FANCA: variants seen among roughly 807,000 people sequenced by gnomAD.
The protein encoded by FANCA is Fanconi anemia group A protein.
FANCA carries 236 observed loss-of-function variants against 194.3 expected under a neutral mutation model. The observed-to-expected ratio is 1.21, with a 90% CI of 1.09 to 1.35. The LOEUF (loss-of-function observed/expected upper bound fraction) is 1.35. Among genes scored for constraint, FANCA ranks in the 40% most tolerant of loss-of-function variants. The probability of loss-of-function intolerance (pLI) is 0.00; values close to 1 mark genes in which losing one functional copy is unlikely to be tolerated. For missense variants in FANCA, 2,628 were observed against 1,813.9 expected (o/e 1.45, Z -8.15); for synonymous variants, 1,014 against 715.8 (o/e 1.42, Z -6.65).
chr16:89,805,992 A>G (rs920379362), intron 6 of FANCA, among the ~76,000 whole-genome samples: 1 of 151,792 alleles, frequency 6.6e-6, no homozygotes, highest in Non-Finnish European at 1.5e-5. Flanking sequence ...AGCTCACTAC[A>G]ACCTCCGCCT....
chr16:89,742,979 C>A, intron 36 of FANCA, 41 bp from the exon 37 acceptor site: 2 of 1,599,244 alleles, frequency 1.3e-6, no homozygotes, highest in South Asian at 2.2e-5. Context: ...GCCTTACAAC[C>A]ATACAACCAC....
intron 13 of FANCA, 68 bp downstream of exon 13, chr16:89,791,859 T>C: frequency 8.8e-6 from 14 of 1,590,938 alleles, no homozygotes; most frequent in Non-Finnish European, 9.5e-6. Context: ...CACAGTCAGC[T>C]GGGACTCTGC....
At position 89,778,986 on chromosome 16, in the gene FANCA, T is replaced by C. The variant is rs2143424595; in HGVS notation, c.1733A>G (p.Tyr578Cys). Reference protein sequence around the residue: ...VMEASIFRRPYYVSHFLPALL... With the variant: ...VMEASIFRRPCYVSHFLPALL... ...GGCGGGGAGGAAGTGGGACACGTAGTAAGGCCTCCTGAATATGCTGCAACA... is the reference window on the plus strand; with the variant it reads ...GGCGGGGAGGAAGTGGGACACGTAGCAAGGCCTCCTGAATATGCTGCAACA... Residue 578 changes from tyrosine to cysteine, a missense_variant, in exon 19 of 43, where the codon TAC (tyrosine) becomes TGC (cysteine). Tyr to Cys is a radical substitution (Grantham distance 194). Coordinates refer to ENST00000389301, the MANE Select transcript of FANCA (RefSeq NM_000135.4). 1.2e-6 allele frequency: 2 copies of C among 1,613,754 alleles called. No individual in the cohort carries two copies. Among genetic ancestry groups the C allele is most frequent in the Non-Finnish European group, 1.7e-6 (2 of 1,180,016 alleles).
chr16:89,738,951 TG>T lies in FANCA; in HGVS notation c.4190del (p.Thr1397LysfsTer10). ...KGQGNPVELI[T>X]KARLFLLQLI... ...ACTGCAGCAGAAAAAGACGAGCTTTTGTTATCAGTTCCACGGGGTTGCCCTA... is the reference window on the plus strand; with the variant it reads ...ACTGCAGCAGAAAAAGACGAGCTTTTTTATCAGTTCCACGGGGTTGCCCTA... On this transcript the variant is annotated frameshift_variant, in exon 42 of 43. Transcript: ENST00000389301. LOFTEE classifies it high-confidence loss of function. 1 of 1,614,268 alleles carries T rather than the reference TG, an allele frequency of 6.2e-7. No individual in the cohort carries two copies. The highest frequency in any genetic ancestry group is 8.5e-7 in the Non-Finnish European group (1 of 1,180,050).
At position 89,816,445 on chromosome 16, in the gene FANCA, G is replaced by T. The variant is rs965003431; in HGVS notation, c.79+92C>A. ...GGGCGCGGCGTCCGGGGATCCGACCGGCGGAGGCTCTGGCGGGAAGGGATC... is the reference window on the plus strand; with the variant it reads ...GGGCGCGGCGTCCGGGGATCCGACCTGCGGAGGCTCTGGCGGGAAGGGATC... On this transcript the variant is annotated intron_variant, in intron 1 of 42. Transcript: ENST00000389301. The T allele has an allele frequency of 6.8e-6, 8 of 1,180,940 alleles. No homozygotes were observed. The African/African-American group carries it at 9.7e-5, about 14-fold the overall frequency. The allele number at this position is 1,180,940 out of a possible 1,614,324, so 73.2% of individuals were successfully genotyped here.
intron 17 of FANCA, among the ~76,000 whole-genome samples, chr16:89,781,887 C>T (rs2039721276): frequency 8.8e-6 from 1 of 113,714 alleles, no homozygotes; most frequent in Non-Finnish European, 1.7e-5. Flanking sequence ...TGTAGGCCCA[C>T]TATAGGCTAC....
Position 89,737,747 on chromosome 16 carries a change from C to G in FANCA, c.*854G>C. On this transcript the variant is annotated 3_prime_UTR_variant, in exon 43 of 43. Coordinates refer to ENST00000389301, the MANE Select transcript of FANCA (RefSeq NM_000135.4). The stretch of plus-strand genomic sequence containing the variant: ...TGTGATGGTTTCACATTGTCATCGT[C>G]GTCCCCCCGGGAGGTTGGAGCATCA... 1.9e-6 allele frequency: 3 copies of G among 1,606,802 alleles called. No homozygotes were observed. Among genetic ancestry groups the G allele is most frequent in the Non-Finnish European group, 2.6e-6 (3 of 1,174,428 alleles).
chr16:89,798,431 A>G lies in FANCA; in HGVS notation c.893+735T>C, dbSNP rs572442514. On this transcript the variant is annotated intron_variant, in intron 10 of 42. Transcript: ENST00000389301. ...GTACAACACATTTAATTGAGCAGTTAAACAGTTACTGTGAGGGATGGGAAA... is the reference window on the plus strand; with the variant it reads ...GTACAACACATTTAATTGAGCAGTTGAACAGTTACTGTGAGGGATGGGAAA... The G allele has an allele frequency of 6.6e-5, 72 of 1,086,230 alleles. No individual in the cohort carries two copies. In the South Asian group the frequency reaches 2.5e-3, roughly 37 times the overall value. The allele number at this position is 1,086,230 out of a possible 1,614,324, so 67.3% of individuals were successfully genotyped here.
Position 89,746,627 on chromosome 16 carries a change from G to C in FANCA, c.3470C>G (p.Ala1157Gly). 2 of 1,614,164 alleles carry C rather than the reference G, an allele frequency of 1.2e-6. No homozygotes were observed. Among genetic ancestry groups the C allele is most frequent in the Non-Finnish European group, 8.5e-7 (1 of 1,180,034 alleles). ...TAAGGGGCATTTCGTCTGGCACTTG[G>C]CCAGTATGAAGTCGACCATCAGGGA... ...DPSLMVDFILAKCQTKCPLIL... is the reference protein window; with the variant it reads ...DPSLMVDFILGKCQTKCPLIL... The change falls in exon 35 of 43, where the codon GCC becomes GGC. Residue 1157 changes from alanine (A) to glycine (G), a missense_variant. Coordinates refer to ENST00000389301, the MANE Select transcript of FANCA (RefSeq NM_000135.4).
Position 89,767,209 on chromosome 16 carries a change from G to T in FANCA, c.2533C>A (p.Leu845Ile). The change falls in exon 27 of 43, where the codon CTC (leucine) becomes ATC (isoleucine). Residue 845 changes from leucine to isoleucine, a missense_variant. Coordinates refer to ENST00000389301, the MANE Select transcript of FANCA (RefSeq NM_000135.4). Reference sequence around the variant, plus strand: ...CGTGACTGGGAAGAAAACTTGCAGAGAGAGTAAGAAATTGCTGCTGTACAA... The same window carrying T: ...CGTGACTGGGAAGAAAACTTGCAGATAGAGTAAGAAATTGCTGCTGTACAA... ...KFCTAAISYS[L>I]CKFSSQSRDT... 1 of 1,613,484 alleles carries T rather than the reference G, an allele frequency of 6.2e-7. No homozygotes were observed. The highest frequency in any genetic ancestry group is 8.5e-7 in the Non-Finnish European group (1 of 1,179,446).
chr16:89,749,102 A>C (rs555134138), intron 32 of FANCA, among the ~76,000 whole-genome samples: 34 of 152,350 alleles, frequency 2.2e-4, no homozygotes, highest in African/African-American at 7.9e-4. Context: ...TGTAAAATTA[A>C]ATGACTCCAC....
chr16:89,784,748 G>A, intron 15 of FANCA, 106 bp downstream of exon 15: 2 of 858,372 alleles, frequency 2.3e-6, no homozygotes, highest in Middle Eastern at 2.3e-4. Flanking sequence ...TGGCTGAGAG[G>A]CTCAGAGCAG....
intron 10 of FANCA, 137 bp downstream of exon 10, chr16:89,799,029 C>G: frequency 6.2e-7 from 1 of 1,614,250 alleles, no homozygotes; most frequent in Middle Eastern, 1.7e-4. Flanking sequence ...TCCTCACGCA[C>G]GTTATCGTAA....
intron 20 of FANCA, among the ~76,000 whole-genome samples, chr16:89,776,081 G>C (rs1055841676): frequency 6.7e-6 from 1 of 150,046 alleles, no homozygotes; most frequent in African/African-American, 2.4e-5. Flanking sequence ...TCCCTGGGCA[G>C]TGAAATTATA....
At chr16:89,773,737 C>T (rs537441259) in intron 21 of FANCA, among the ~76,000 whole-genome samples, 1 of 151,014 alleles carries the variant, frequency 6.6e-6, no homozygotes, top group Non-Finnish European at 1.5e-5. Flanking sequence ...GACAGGATCA[C>T]GGATAGGTGA....
intron 30 of FANCA, among the ~76,000 whole-genome samples, chr16:89,756,563 T>C (rs2143206431): frequency 6.6e-6 from 1 of 152,298 alleles, no homozygotes; most frequent in Admixed American, 6.5e-5. Context: ...AGGTCGAGGC[T>C]GCAGTGGGCT....
At chr16:89,806,819 T>C (rs9940552) in intron 6 of FANCA, among the ~76,000 whole-genome samples, 80,469 of 152,086 alleles carry the variant, frequency 0.53, 23,512 homozygotes, top group East Asian at 0.98. Context: ...TTGTATTCCA[T>C]AAAACCGCCA....
chr16:89,738,206 T>G lies in FANCA; in HGVS notation c.*395A>C. ...CCACCTGGGCCACCGAGCCCCTCTG[T>G]GACCACAGAGGGCCAGGCGGTGAAG... On this transcript the variant is annotated 3_prime_UTR_variant, in exon 43 of 43. Coordinates refer to ENST00000389301, the MANE Select transcript of FANCA (RefSeq NM_000135.4). 2 of 1,611,222 alleles carry G rather than the reference T, an allele frequency of 1.2e-6. No individual in the cohort carries two copies. Among genetic ancestry groups the G allele is most frequent in the Non-Finnish European group, 1.7e-6 (2 of 1,179,138 alleles).
chr16:89,750,504 A>C (rs2143147067), intron 31 of FANCA, among the ~76,000 whole-genome samples: 1 of 150,616 alleles, frequency 6.6e-6, no homozygotes, highest in Admixed American at 6.6e-5. Context: ...AACAAAAAAA[A>C]ACAGCCAGGT....
Sources: gnomAD v4.1 joint callset for allele counts (sites outside exome capture counted in the v4.1 genomes callset) on GRCh38, gnomAD v4.1.1 for gene constraint, MANE v1.5 for transcripts, NCBI Gene and HGNC (gene_info 2026-07-23, HGNC 2026-07-21) for gene names.